The following RASGRP3 variants were observed in gnomAD, a reference collection of about 807,000 sequenced individuals.
RASGRP3 encodes ras guanyl-releasing protein 3.
A neutral mutation model predicts 82.7 loss-of-function variants in RASGRP3; 54 were observed. The observed-to-expected ratio is 0.65, with a 90% CI of 0.52 to 0.82. RASGRP3 has a LOEUF of 0.82. RASGRP3 is among the 40% of genes least tolerant of loss of function. RASGRP3 has a pLI of 0.00. For missense variants in RASGRP3, 861 were observed against 828.9 expected (o/e 1.04, Z -0.48); for synonymous variants, 309 against 300.5 (o/e 1.03, Z -0.29).
intron 13 of RASGRP3, among the ~76,000 whole-genome samples, chr2:33,545,210 T>C (rs1020507590): frequency 2.6e-5 from 4 of 152,248 alleles, no homozygotes; most frequent in African/African-American, 4.8e-5. Flanking sequence ...TTGATATCTA[T>C]AGAATTGTTT....
rs955741733 is a variant in RASGRP3, at chr2:33,556,543, G to A, written c.1579+976G>A. On this transcript the variant is annotated intron_variant, in intron 15 of 17. Coordinates refer to ENST00000403687, the MANE Select transcript of RASGRP3 (RefSeq NM_001139488.2). The stretch of plus-strand genomic sequence containing the variant: ...ATTACAGGCGTGAGCCACCGCGCCC[G>A]GCCTCTTCTAATAATCTTATAAAGC... Among the ~76,000 whole-genome samples the A allele has an allele frequency of 5.6e-5, 5 of 88,510 alleles. 1 individual carries two copies. Among genetic ancestry groups the A allele is most frequent in the African/African-American group, 2.4e-4 (3 of 12,288 alleles). The allele number at this position is 88,510 out of a possible 152,430, so 58.1% of individuals were successfully genotyped here.
intron 1 of RASGRP3, among the ~76,000 whole-genome samples, chr2:33,445,149 T>C (rs1235520281): frequency 1.3e-5 from 2 of 152,226 alleles, no homozygotes; most frequent in African/African-American, 4.8e-5. Flanking sequence ...GGGACTCTCA[T>C]GCCAGTCAGC....
At chr2:33,476,797 T>TGTGTGTGTGTGTGTGTGTG in intron 1 of RASGRP3, 90 bp downstream of exon 1, 1 of 52,114 alleles carries the variant, frequency 1.9e-5, no homozygotes, top group Non-Finnish European at 3.8e-5. Context: ...GTGTGTGTGT[T>TGTGTGTGTGTGTGTGTGTG]GCAAGCCACC....
At chr2:33,466,819 A>G (rs1380244223) in intron 2 of RASGRP3, among the ~76,000 whole-genome samples, 1 of 152,238 alleles carries the variant, frequency 6.6e-6, no homozygotes, top group Non-Finnish European at 1.5e-5. Context: ...TTTAATTAGA[A>G]GAGGATGAGC....
At position 33,437,693 on chromosome 2, in the gene RASGRP3, T is replaced by G. The variant is rs563845995; in HGVS notation, c.-385+1102T>G. 1.3e-4 allele frequency among the ~76,000 whole-genome samples: 20 copies of G among 152,336 alleles called. 1 individual carries two copies. In the South Asian group the frequency reaches 3.7e-3, roughly 28 times the overall value. On this transcript the variant is annotated intron_variant, in intron 1 of 18. Coordinates refer to the RASGRP3 transcript ENST00000402538. Reference sequence around the variant, plus strand: ...GGCTCAGGCTCAGTGTGGATCCCACTGGCCGTCTTCTTTCCTGGGAGAATT... The same window carrying G: ...GGCTCAGGCTCAGTGTGGATCCCACGGGCCGTCTTCTTTCCTGGGAGAATT...
At chr2:33,480,934 C>A (rs573755861) in intron 1 of RASGRP3, among the ~76,000 whole-genome samples, 1 of 152,030 alleles carries the variant, frequency 6.6e-6, no homozygotes, top group South Asian at 2.1e-4. Flanking sequence ...AGAAGTCGAA[C>A]CCCTGCATTT....
intron 1 of RASGRP3, chr2:33,492,935 G>C (rs1243703648): frequency 6.6e-6 from 1 of 152,272 alleles, no homozygotes; most frequent in Non-Finnish European, 1.5e-5. Flanking sequence ...AGGTCAGCCA[G>C]TAGTACCACG....
intron 1 of RASGRP3, among the ~76,000 whole-genome samples, chr2:33,510,053 G>A (rs1670787779): frequency 6.6e-6 from 1 of 152,112 alleles, no homozygotes; most frequent in African/African-American, 2.4e-5. Flanking sequence ...AAGACTTCAA[G>A]GTTTGTAACA....
intron 4 of RASGRP3, among the ~76,000 whole-genome samples, chr2:33,518,384 TATC>T (rs1249139053): frequency 8.5e-5 from 13 of 152,204 alleles, no homozygotes; most frequent in Non-Finnish European, 2.9e-5. Flanking sequence ...ATAGGGTGCT[TATC>T]ATGAATGGAG....
chr2:33,447,465 T>G (rs1464360389), intron 1 of RASGRP3, among the ~76,000 whole-genome samples: 2 of 152,008 alleles, frequency 1.3e-5, no homozygotes, highest in East Asian at 3.9e-4. Context: ...AGACAGAGTT[T>G]CACTTGGTCA....
chr2:33,496,261 G>A (rs768059017), intron 1 of RASGRP3, among the ~76,000 whole-genome samples: 8 of 152,142 alleles, frequency 5.3e-5, no homozygotes, highest in Non-Finnish European at 1.2e-4. Context: ...TAAAAAGCAA[G>A]GCATTTGAGG....
intron 17 of RASGRP3, among the ~76,000 whole-genome samples, chr2:33,560,248 CA>C (rs1157303233): frequency 6.6e-6 from 1 of 152,140 alleles, no homozygotes; most frequent in African/African-American, 2.4e-5. Flanking sequence ...TCACCCCAGC[CA>C]ACTAATTTAT....
intron 2 of RASGRP3, among the ~76,000 whole-genome samples, chr2:33,469,284 G>C (rs1330721136): frequency 6.6e-6 from 1 of 151,916 alleles, no homozygotes; most frequent in Non-Finnish European, 1.5e-5. Flanking sequence ...ATTACCGTTG[G>C]ATTATATTTT....
chr2:33,527,121 T>A lies in RASGRP3; in HGVS notation c.808-16T>A. Reference sequence around the variant, plus strand: ...GGAAAGTTGTTTGAAAATTCTACTTTTCCATCTGTTCCCAGAACTGGAATG... The same window carrying A: ...GGAAAGTTGTTTGAAAATTCTACTTATCCATCTGTTCCCAGAACTGGAATG... On this transcript the variant is annotated splice_polypyrimidine_tract_variant and intron_variant, in intron 9 of 17. Coordinates refer to ENST00000403687, the MANE Select transcript of RASGRP3 (RefSeq NM_001139488.2). 6.2e-6 allele frequency: 10 copies of A among 1,612,612 alleles called. No individual in the cohort carries two copies. The highest frequency in any genetic ancestry group is 8.5e-6 in the Non-Finnish European group (10 of 1,178,834).
chr2:33,447,134 GC>G (rs1414559829), intron 1 of RASGRP3, among the ~76,000 whole-genome samples: 4 of 150,860 alleles, frequency 2.7e-5, no homozygotes, highest in Non-Finnish European at 4.4e-5. Flanking sequence ...AGAGGGGGAA[GC>G]AGTGACCAAG....
chr2:33,528,428 G>T (rs1672788178), intron 10 of RASGRP3, among the ~76,000 whole-genome samples: 1 of 152,222 alleles, frequency 6.6e-6, no homozygotes, highest in African/African-American at 2.4e-5. Context: ...CCCACTGGCT[G>T]CTGCTTTGTG....
At chr2:33,499,773 A>AAAGAG (rs1440922139) in intron 1 of RASGRP3, among the ~76,000 whole-genome samples, 5,350 of 135,704 alleles carry the variant, frequency 0.039, 338 homozygotes, top group African/African-American at 0.13. Context: ...CAAAAAAAAA[A>AAAGAG]AGAGAGGATA....
At chr2:33,449,150 A>G (rs545748887) in intron 2 of RASGRP3, among the ~76,000 whole-genome samples, 13 of 152,334 alleles carry the variant, frequency 8.5e-5, no homozygotes, top group African/African-American at 3.1e-4. Context: ...GACCTTAAAC[A>G]ATGTCTTCAT....
At chr2:33,497,773 A>G (rs533814882) in intron 1 of RASGRP3, among the ~76,000 whole-genome samples, 1 of 152,372 alleles carries the variant, frequency 6.6e-6, no homozygotes, top group Non-Finnish European at 1.5e-5. Flanking sequence ...ATTGATCAAT[A>G]AAGATATCAT....
Sources: allele counts gnomAD v4.1 joint callset (sites outside exome capture counted in the v4.1 genomes callset), GRCh38; gene constraint gnomAD v4.1.1; transcripts MANE v1.5; gene names NCBI Gene and HGNC (gene_info 2026-07-23, HGNC 2026-07-21).